USP10: variants seen among roughly 807,000 people sequenced by gnomAD.
USP10 encodes the protein ubiquitin carboxyl-terminal hydrolase 10.
USP10 carries 22 observed loss-of-function variants against 84.5 expected under a neutral mutation model. The observed-to-expected ratio is 0.26, with a 90% CI of 0.19 to 0.37. The LOEUF is 0.37. Among genes scored for constraint, USP10 ranks in the 10% least tolerant of loss-of-function variants. The probability of loss-of-function intolerance (pLI) is 1.00; values close to 1 mark genes in which losing one functional copy is unlikely to be tolerated. For synonymous variants in USP10, 454 were observed against 387.6 expected, an observed-to-expected ratio of 1.17 and a Z score of -2.01; for missense variants, 1,019 against 998.9, an observed-to-expected ratio of 1.02 and a Z score of -0.27.
At chr16:84,777,774 T>A (rs2150880630) in intron 13 of USP10, among the ~76,000 whole-genome samples, 1 of 152,248 alleles carries the variant, frequency 6.6e-6, no homozygotes, top group Non-Finnish European at 1.5e-5. Flanking sequence ...CCTGGTGATG[T>A]TTGGTCTTGT....
At chr16:84,700,729 G>C (rs1266689660) in intron 1 of USP10, among the ~76,000 whole-genome samples, 4 of 152,184 alleles carry the variant, frequency 2.6e-5, no homozygotes, top group African/African-American at 7.2e-5. Flanking sequence ...ACTTGCGTTT[G>C]AGTGACATCC....
intron 8 of USP10, among the ~76,000 whole-genome samples, chr16:84,762,018 G>T (rs1350109326): frequency 6.6e-6 from 1 of 152,252 alleles, no homozygotes; most frequent in Non-Finnish European, 1.5e-5. Flanking sequence ...GCTTCAAACA[G>T]AACAATTTGC....
chr16:84,768,526 C>T (rs761965616), intron 11 of USP10, among the ~76,000 whole-genome samples, 168 bp downstream of exon 11: 6 of 152,208 alleles, frequency 3.9e-5, no homozygotes, highest in Admixed American at 1.3e-4. Flanking sequence ...ATGGTTGAAA[C>T]GTGATCCCAA....
intron 1 of USP10, among the ~76,000 whole-genome samples, chr16:84,718,873 A>G (rs1194065696): frequency 6.7e-6 from 1 of 148,236 alleles, no homozygotes; most frequent in Non-Finnish European, 1.5e-5. Flanking sequence ...GCTCACTGCA[A>G]CCTCCACCTC....
At chr16:84,777,962 C>G (rs1268509579) in intron 13 of USP10, among the ~76,000 whole-genome samples, 1 of 152,228 alleles carries the variant, frequency 6.6e-6, no homozygotes, top group African/African-American at 2.4e-5. Flanking sequence ...CTGTGCCCCT[C>G]TGCTCCATAG....
chr16:84,775,935 C>T (rs116526806), intron 13 of USP10, among the ~76,000 whole-genome samples: 2,774 of 152,102 alleles, frequency 0.018, 89 homozygotes, highest in African/African-American at 0.062. Context: ...TGCTGTTTGC[C>T]GCACTTTTGT....
intron 11 of USP10, among the ~76,000 whole-genome samples, chr16:84,771,661 G>A (rs1172564851): frequency 6.6e-6 from 1 of 152,144 alleles, no homozygotes; most frequent in Non-Finnish European, 1.5e-5. Context: ...CTGAGGTCAG[G>A]AGTTCAAGAC....
intron 1 of USP10, among the ~76,000 whole-genome samples, chr16:84,712,892 A>T (rs1266256205): frequency 6.6e-6 from 1 of 152,222 alleles, no homozygotes; most frequent in East Asian, 1.9e-4. Flanking sequence ...TTAGCAATGC[A>T]GAGAGAATGC....
chr16:84,747,511 C>T (rs375696525), intron 4 of USP10, among the ~76,000 whole-genome samples: 11 of 148,548 alleles, frequency 7.4e-5, no homozygotes, highest in East Asian at 3.9e-4. Flanking sequence ...ATAGGCCAGA[C>T]GTCGTTATTT....
At chr16:84,718,829 G>A (rs943975744) in intron 1 of USP10, among the ~76,000 whole-genome samples, 2 of 151,672 alleles carry the variant, frequency 1.3e-5, no homozygotes, top group African/African-American at 4.8e-5. Context: ...GTCTTTCTCT[G>A]TCACCCAGGC....
At chr16:84,739,356 C>G (rs1910346683) in intron 2 of USP10, among the ~76,000 whole-genome samples, 1 of 152,112 alleles carries the variant, frequency 6.6e-6, no homozygotes, top group African/African-American at 2.4e-5. Flanking sequence ...ACTGCAACCT[C>G]CATCCCCCAG....
chr16:84,778,544 G>C (rs1031598769), intron 13 of USP10, among the ~76,000 whole-genome samples: 2 of 152,180 alleles, frequency 1.3e-5, no homozygotes, highest in Non-Finnish European at 2.9e-5. Flanking sequence ...AGTAGAGTCA[G>C]CCACATCCAA....
At chr16:84,735,437 C>T (rs1909808561) in intron 2 of USP10, among the ~76,000 whole-genome samples, 1 of 152,082 alleles carries the variant, frequency 6.6e-6, no homozygotes, top group Non-Finnish European at 1.5e-5. Flanking sequence ...AGTCTGAAGG[C>T]CTGGGGTCGC....
Position 84,779,391 on chromosome 16 carries a change from C to T in USP10, c.*309C>T, listed in dbSNP as rs1441982899. On this transcript the variant is annotated 3_prime_UTR_variant, in exon 14 of 14. Transcript: ENST00000219473. ...GTGGATTTGATCCCCAGTCTCATTG[C>T]TTAGTAGAATAAATCCTGCACCAGC... 4.7e-6 allele frequency: 1 copy of T among 211,316 alleles called. No individual in the cohort carries two copies. Among genetic ancestry groups the T allele is most frequent in the Non-Finnish European group, 9.4e-6 (1 of 106,516 alleles). 13.1% of individuals were successfully genotyped at this position (211,316 alleles called of 1,614,324 possible).
intron 2 of USP10, among the ~76,000 whole-genome samples, chr16:84,739,281 T>C (rs183344062): frequency 3.1e-4 from 47 of 151,680 alleles, no homozygotes; most frequent in African/African-American, 1.1e-3. Context: ...TTGTTTTGTT[T>C]TGGTTTTTGA....
At position 84,743,257 on chromosome 16, in the gene USP10, A is replaced by G. The variant is rs1237249829; in HGVS notation, c.152-1376A>G. Among the ~76,000 whole-genome samples the G allele has an allele frequency of 2.0e-5, 3 of 152,254 alleles. No individual in the cohort carries two copies. In the East Asian group the frequency reaches 5.8e-4, roughly 29 times the overall value. ...CTTGCTGTTAGGTGTAATCGTCATCAGTGTTCTTTTCCAGGAACTTTCTCT... is the reference window on the plus strand; with the variant it reads ...CTTGCTGTTAGGTGTAATCGTCATCGGTGTTCTTTTCCAGGAACTTTCTCT... On this transcript the variant is annotated intron_variant, in intron 3 of 13. Coordinates refer to ENST00000219473, the MANE Select transcript of USP10 (RefSeq NM_005153.3).
rs754803237 is a variant in USP10 at position 84,733,435 on chromosome 16, T to C, written c.22T>C (p.Tyr8His). Residue 8 changes from tyrosine to histidine, a missense_variant and splice_region_variant, in exon 2 of 14, where the codon TAT (tyrosine) becomes CAT (histidine). Physicochemically the swap from Tyr to His is moderately conservative, Grantham distance 83 (BLOSUM62 2). Coordinates refer to ENST00000219473, the MANE Select transcript of USP10 (RefSeq NM_005153.3). ...CAGTGACTCTCTTATTTTTTTTCAG[T>C]ATATTTTTGGAGATTTTAGCCCTGA... MALHSPQ[Y>H]IFGDFSPDEF... The C allele has an allele frequency of 1.2e-6, 2 of 1,602,032 alleles. No individual in the cohort carries two copies. The highest frequency in any genetic ancestry group is 1.1e-5 in the South Asian group (1 of 88,832).
At chr16:84,746,469 G>A (rs1225783572) in intron 4 of USP10, among the ~76,000 whole-genome samples, 2 of 152,334 alleles carry the variant, frequency 1.3e-5, no homozygotes, top group Middle Eastern at 3.4e-3. Flanking sequence ...CTCCCGGGCT[G>A]CAAACCTGTC....
At chr16:84,778,183 A>G (rs17597942) in intron 13 of USP10, among the ~76,000 whole-genome samples, 58,275 of 151,006 alleles carry the variant, frequency 0.39, 12,133 homozygotes, top group Non-Finnish European at 0.47. Context: ...AACTACCAGC[A>G]CCATCTCCGC....
Sources: gnomAD v4.1 joint callset for allele counts (sites outside exome capture counted in the v4.1 genomes callset) on GRCh38, gnomAD v4.1.1 for gene constraint, MANE v1.5 for transcripts, NCBI Gene and HGNC (gene_info 2026-07-23, HGNC 2026-07-21) for gene names.